Variants in COG5 observed in about 807,000 individuals in gnomAD.
The protein encoded by COG5 is conserved oligomeric Golgi complex subunit 5.
COG5 carries 86 observed loss-of-function variants against 110.4 expected under a neutral mutation model. The ratio of observed to expected loss-of-function variants is 0.78; its 90% CI spans 0.65 to 0.93. COG5 has a LOEUF of 0.93. Among genes scored for constraint, COG5 ranks in the 40% least tolerant of loss-of-function variants. The pLI, the probability that COG5 is intolerant of heterozygous loss-of-function variation, is 0.00. For missense variants in COG5, 1,077 were observed against 987.0 expected, an observed-to-expected ratio of 1.09 and a Z score of -1.22; for synonymous variants, 360 against 334.6, an observed-to-expected ratio of 1.08 and a Z score of -0.83.
intron 6 of COG5, among the ~76,000 whole-genome samples, chr7:107,427,691 A>T (rs1563028645): frequency 6.6e-6 from 1 of 151,742 alleles, no homozygotes; most frequent in African/African-American, 2.4e-5. Context: ...CACTCAGCCC[A>T]CTGGGCTGTG....
intron 19 of COG5, among the ~76,000 whole-genome samples, chr7:107,224,151 G>A (rs192062910): frequency 1.3e-5 from 2 of 152,106 alleles, no homozygotes; most frequent in African/African-American, 2.4e-5. Flanking sequence ...GATGGGTTAA[G>A]GGCTCCAGAT....
At chr7:107,558,677 G>A (rs1350114353) in intron 1 of COG5, among the ~76,000 whole-genome samples, 1 of 151,428 alleles carries the variant, frequency 6.6e-6, no homozygotes, top group Non-Finnish European at 1.5e-5. Context: ...ACGAGGTCAG[G>A]AGATCAAGAC....
intron 6 of COG5, among the ~76,000 whole-genome samples, chr7:107,502,198 A>G (rs1028724747): frequency 6.6e-6 from 1 of 152,034 alleles, no homozygotes; most frequent in African/African-American, 2.4e-5. Flanking sequence ...TCCAAAGTCC[A>G]TTTTATCACT....
intron 6 of COG5, among the ~76,000 whole-genome samples, chr7:107,510,737 A>C (rs918836831): frequency 4.6e-5 from 7 of 152,180 alleles, no homozygotes; most frequent in Non-Finnish European, 1.0e-4. Flanking sequence ...AGGATTAAGA[A>C]ACTCACTCAA....
At chr7:107,369,456 G>A (rs1452285913) in intron 8 of COG5, among the ~76,000 whole-genome samples, 9 of 144,426 alleles carry the variant, frequency 6.2e-5, no homozygotes, top group Non-Finnish European at 1.0e-4. Context: ...GCACTATTTC[G>A]GCTCACTGCA....
intron 7 of COG5, among the ~76,000 whole-genome samples, chr7:107,398,064 T>C (rs1174094887): frequency 1.3e-5 from 2 of 152,184 alleles, no homozygotes; most frequent in African/African-American, 4.8e-5. Flanking sequence ...AAAAACTTTG[T>C]AACCTTAGGT....
At chr7:107,428,484 C>G (rs1023811829) in intron 6 of COG5, among the ~76,000 whole-genome samples, 2 of 152,046 alleles carry the variant, frequency 1.3e-5, no homozygotes, top group African/African-American at 4.8e-5. Flanking sequence ...CAAGCAACAA[C>G]AAGAATGACC....
At chr7:107,204,367 A>T (rs1357771328) in intron 21 of COG5, among the ~76,000 whole-genome samples, 1 of 152,162 alleles carries the variant, frequency 6.6e-6, no homozygotes, top group African/African-American at 2.4e-5. Context: ...CAAAGTCTGA[A>T]ATATATCTGG....
At chr7:107,478,542 T>G (rs940874107) in intron 6 of COG5, among the ~76,000 whole-genome samples, 2 of 152,048 alleles carry the variant, frequency 1.3e-5, no homozygotes, top group Non-Finnish European at 2.9e-5. Flanking sequence ...ATATTTAAAC[T>G]TATTTATAAA....
At chr7:107,534,223 T>TA (rs1221316498) in intron 5 of COG5, among the ~76,000 whole-genome samples, 1 of 151,434 alleles carries the variant, frequency 6.6e-6, no homozygotes, top group Non-Finnish European at 1.5e-5. Flanking sequence ...AACCAAAAGT[T>TA]AAAGACCATC....
intron 6 of COG5, among the ~76,000 whole-genome samples, chr7:107,491,823 T>C (rs1416219048): frequency 1.3e-5 from 2 of 152,200 alleles, no homozygotes; most frequent in East Asian, 3.9e-4. Flanking sequence ...CTTGAATAAA[T>C]ATATTCTTCT....
intron 10 of COG5, among the ~76,000 whole-genome samples, chr7:107,343,748 T>A (rs144537915): frequency 6.6e-6 from 1 of 152,234 alleles, no homozygotes; most frequent in African/African-American, 2.4e-5. Context: ...TTCTTAATCA[T>A]GGGCTGTAGA....
At chr7:107,386,544 C>T (rs959317665) in intron 7 of COG5, among the ~76,000 whole-genome samples, 2 of 152,102 alleles carry the variant, frequency 1.3e-5, no homozygotes, top group Admixed American at 6.5e-5. Context: ...GGTGCCCACT[C>T]GGGATCTCCA....
intron 10 of COG5, among the ~76,000 whole-genome samples, chr7:107,326,514 T>C (rs1809778464): frequency 6.6e-6 from 1 of 151,606 alleles, no homozygotes; most frequent in Admixed American, 6.6e-5. Flanking sequence ...AACAATGAAA[T>C]AGCCAGAAAA....
intron 17 of COG5, among the ~76,000 whole-genome samples, chr7:107,242,835 C>CATCT (rs1423064133): frequency 6.6e-6 from 1 of 152,144 alleles, no homozygotes; most frequent in Non-Finnish European, 1.5e-5. Flanking sequence ...TGCTAACATG[C>CATCT]ATCTGTCTGG....
intron 21 of COG5, among the ~76,000 whole-genome samples, chr7:107,205,097 G>C (rs1798662728): frequency 2.0e-5 from 3 of 152,160 alleles, no homozygotes. Context: ...TCTTAAGGTG[G>C]TGAGCATCCT....
intron 10 of COG5, among the ~76,000 whole-genome samples, chr7:107,358,057 T>C (rs1584724130): frequency 6.6e-6 from 1 of 152,176 alleles, no homozygotes; most frequent in Admixed American, 6.5e-5. Context: ...TATGTGTTTT[T>C]ATGTAGAAAC....
chr7:107,496,661 AAAAAAACAAAAAAC>A (rs1275905841), intron 6 of COG5, among the ~76,000 whole-genome samples: 1 of 151,562 alleles, frequency 6.6e-6, no homozygotes, highest in Non-Finnish European at 1.5e-5. Context: ...CTGTCTCAAA[AAAAAAACAAAAAAC>A]AAAAAACAAA....
chr7:107,347,124 T>C (rs750864233), intron 10 of COG5, among the ~76,000 whole-genome samples: 2 of 152,206 alleles, frequency 1.3e-5, no homozygotes, highest in South Asian at 4.1e-4. Flanking sequence ...TGATTATAAA[T>C]AAGTTGATTC....
Sources: allele counts gnomAD v4.1 joint callset (sites outside exome capture counted in the v4.1 genomes callset), GRCh38; gene constraint gnomAD v4.1.1; transcripts MANE v1.5; gene names NCBI Gene and HGNC (gene_info 2026-07-23, HGNC 2026-07-21).